RASGEF1C: variants seen among roughly 807,000 people sequenced by gnomAD.
RASGEF1C encodes RasGEF domain family member 1C, also known as ras-GEF domain-containing family member 1C.
In RASGEF1C, 27 loss-of-function variants were observed where a neutral mutation model predicts 58.1. The ratio of observed to expected loss-of-function variants is 0.46; its 90% CI spans 0.34 to 0.64. The LOEUF (loss-of-function observed/expected upper bound fraction) is 0.64. Ranked by LOEUF, RASGEF1C falls within the 30% of genes least tolerant of loss-of-function variation. The pLI is 0.01. For missense variants in RASGEF1C, 502 were observed against 605.1 expected, an observed-to-expected ratio of 0.83 and a Z score of 1.79; for synonymous variants, 243 against 246.3, an observed-to-expected ratio of 0.99 and a Z score of 0.13.
Position 180,158,024 on chromosome 5 carries a change from G to A in RASGEF1C, c.-6-19966C>T, listed in dbSNP as rs761144999. Among the ~76,000 whole-genome samples the A allele has an allele frequency of 7.9e-4, 120 of 152,310 alleles. 1 individual carries two copies. The highest frequency in any genetic ancestry group is 3.2e-4 in the Non-Finnish European group (22 of 68,034). On this transcript the variant is annotated intron_variant, in intron 1 of 13. Transcript: ENST00000361132. The surrounding 1 kb of genome is among the most constrained non-coding windows in gnomAD (Gnocchi z 4.0). ...CAAACATACCATTCTGGTGGGTGAC[G>A]TCGATAATGGGGGAGGCTCTGCATG...
At chr5:180,144,745 G>A (rs555028621) in intron 1 of RASGEF1C, among the ~76,000 whole-genome samples, 44 of 152,270 alleles carry the variant, frequency 2.9e-4, no homozygotes, top group African/African-American at 9.9e-4. Context: ...ACCACCGTCC[G>A]TCCACAGAAG....
chr5:180,199,063 C>A (rs922555964), intron 1 of RASGEF1C, among the ~76,000 whole-genome samples: 1 of 152,172 alleles, frequency 6.6e-6, no homozygotes, highest in African/African-American at 2.4e-5. Flanking sequence ...AAGGACCACA[C>A]CTCTCCTCCC....
chr5:180,173,990 G>T lies in RASGEF1C; in HGVS notation c.-7+35038C>A, dbSNP rs536478058. Among the ~76,000 whole-genome samples the T allele has an allele frequency of 9.9e-5, 15 of 151,898 alleles. No homozygotes were observed. In the South Asian group the frequency reaches 2.9e-3, roughly 30 times the overall value. ...CCATGACATGGAGGCTCAGGGGTTG[G>T]GGGGCCCAGACGTGGGGATGGTCTC... On this transcript the variant is annotated intron_variant, in intron 1 of 13. Transcript: ENST00000361132.
At position 180,111,418 on chromosome 5, in the gene RASGEF1C, C is replaced by T. The variant is rs754883868; in HGVS notation, c.1303+39G>A. The T allele has an allele frequency of 2.7e-5, 44 of 1,613,400 alleles. 1 individual carries two copies. In the East Asian group the frequency reaches 4.9e-4, roughly 18 times the overall value. ...TGACTGAGAGGCTACCCCAGAGTTC[C>T]GTGGCCCAGTAGGCAGGAGGGCTGC... On this transcript the variant is annotated intron_variant, in intron 12 of 13. Coordinates refer to ENST00000361132, the MANE Select transcript of RASGEF1C (RefSeq NM_175062.4).
At chr5:180,151,415 A>G (rs905660941) in intron 1 of RASGEF1C, among the ~76,000 whole-genome samples, 4 of 152,236 alleles carry the variant, frequency 2.6e-5, no homozygotes, top group Admixed American at 6.5e-5. Flanking sequence ...ATAATGCTGC[A>G]TATCTACAAC....
chr5:180,113,074 G>T (rs575133774), intron 11 of RASGEF1C, among the ~76,000 whole-genome samples: 2 of 142,576 alleles, frequency 1.4e-5, no homozygotes, highest in African/African-American at 5.3e-5. Context: ...TGGACGGAGG[G>T]ACCGGGGATG....
intron 1 of RASGEF1C, among the ~76,000 whole-genome samples, chr5:180,166,205 C>T (rs1176805957): frequency 6.6e-6 from 1 of 152,150 alleles, no homozygotes; most frequent in Non-Finnish European, 1.5e-5. Flanking sequence ...AAGTTTCATC[C>T]TCCCTTGTTT....
intron 7 of RASGEF1C, 82 bp downstream of exon 7, chr5:180,120,978 C>T (rs927019417): frequency 7.2e-5 from 69 of 953,850 alleles, no homozygotes; most frequent in East Asian, 5.5e-4. Context: ...GGTGTCCTTC[C>T]GGTTCCTTCC....
intron 1 of RASGEF1C, among the ~76,000 whole-genome samples, chr5:180,152,665 T>C (rs1047056302): frequency 2.0e-5 from 3 of 150,834 alleles, no homozygotes; most frequent in African/African-American, 7.4e-5. Context: ...TATACATATG[T>C]AACAAACCTG....
intron 1 of RASGEF1C, among the ~76,000 whole-genome samples, chr5:180,174,780 G>C (rs143003803): frequency 6.6e-6 from 1 of 152,150 alleles, no homozygotes; most frequent in Non-Finnish European, 1.5e-5. Flanking sequence ...GATCGTGACC[G>C]GTTCCTGCTT....
chr5:180,108,500 C>T (rs530455559), intron 12 of RASGEF1C, among the ~76,000 whole-genome samples: 28 of 152,094 alleles, frequency 1.8e-4, no homozygotes, highest in Non-Finnish European at 3.5e-4. Flanking sequence ...CGCGCCCAGC[C>T]GTTTCAGTCT....
chr5:180,159,622 G>A (rs1766905739), intron 1 of RASGEF1C, among the ~76,000 whole-genome samples: 1 of 152,174 alleles, frequency 6.6e-6, no homozygotes, highest in South Asian at 2.1e-4. Context: ...GAGAGATGAT[G>A]GGGCTGCGGA....
At chr5:180,115,222 G>A in intron 10 of RASGEF1C, 1 of 396,892 alleles carries the variant, frequency 2.5e-6, no homozygotes, top group Non-Finnish European at 5.0e-6. Flanking sequence ...CACCATGTTG[G>A]CCAGGCTGGT....
chr5:180,179,245 C>T (rs1019630828), intron 1 of RASGEF1C, among the ~76,000 whole-genome samples: 6 of 152,036 alleles, frequency 3.9e-5, no homozygotes, highest in Non-Finnish European at 7.4e-5. Context: ...ACTCAGCCCC[C>T]GGGGTTTGTG....
At chr5:180,182,363 G>A (rs930426927) in intron 1 of RASGEF1C, among the ~76,000 whole-genome samples, 12 of 152,088 alleles carry the variant, frequency 7.9e-5, no homozygotes, top group South Asian at 2.1e-4. Context: ...CACGGTGAGT[G>A]TTACAGCTCT....
chr5:180,195,452 T>C (rs1053473197), intron 1 of RASGEF1C, among the ~76,000 whole-genome samples: 1 of 152,102 alleles, frequency 6.6e-6, no homozygotes, highest in Non-Finnish European at 1.5e-5. Context: ...AGCTTACCTG[T>C]AGCGTGCACG....
At chr5:180,107,046 C>T (rs556460112) in intron 12 of RASGEF1C, among the ~76,000 whole-genome samples, 197 of 152,206 alleles carry the variant, frequency 1.3e-3, no homozygotes, top group African/African-American at 4.5e-3. Context: ...TTTTCTTTCT[C>T]CTAAAGTGTG....
In RASGEF1C at chr5:180,155,933, C is replaced by G. The variant is rs1434800058; in HGVS notation, c.-6-17875G>C. Among the ~76,000 whole-genome samples the G allele has an allele frequency of 6.6e-6, 1 of 152,166 alleles. No individual in the cohort carries two copies. The highest frequency in any genetic ancestry group is 1.5e-5 in the Non-Finnish European group (1 of 68,030). On this transcript the variant is annotated intron_variant, in intron 1 of 13. Transcript: ENST00000361132. This position sits in a 1 kb window ranked among gnomAD's most constrained non-coding sequence, Gnocchi z 5.2. ...TGTCCCCCCCTCACTGCTGAGCAAGCAAGTGACCAGGTTATCCAATTAGAG... is the reference window on the plus strand; with the variant it reads ...TGTCCCCCCCTCACTGCTGAGCAAGGAAGTGACCAGGTTATCCAATTAGAG...
At chr5:180,164,024 T>C (rs1766984120) in intron 1 of RASGEF1C, among the ~76,000 whole-genome samples, 1 of 152,228 alleles carries the variant, frequency 6.6e-6, no homozygotes, top group African/African-American at 2.4e-5. Context: ...GTGTGTAGCG[T>C]TGTTATAGCC....
Sources: allele counts gnomAD v4.1 joint callset (sites outside exome capture counted in the v4.1 genomes callset), GRCh38; gene constraint gnomAD v4.1.1; non-coding constraint Gnocchi (gnomAD v3.1); transcripts MANE v1.5; gene names NCBI Gene and HGNC (gene_info 2026-07-23, HGNC 2026-07-21).